TRIM9: variants seen among roughly 807,000 people sequenced by gnomAD.
TRIM9 encodes the protein tripartite motif containing 9.
In TRIM9, 26 loss-of-function variants were observed where a neutral mutation model predicts 78.3. The observed-to-expected ratio is 0.33, with a 90% CI of 0.24 to 0.46. The LOEUF (loss-of-function observed/expected upper bound fraction) is 0.46, where lower values mean the gene tolerates loss of function less well. Ranked by LOEUF, TRIM9 falls within the 20% of genes least tolerant of loss-of-function variation. The probability of loss-of-function intolerance (pLI) is 1.00; values close to 1 mark genes in which losing one functional copy is unlikely to be tolerated. For synonymous variants in TRIM9, 398 were observed against 416.5 expected (o/e 0.96, Z 0.54); for missense variants, 787 against 1,036.4 (o/e 0.76, Z 3.30).
chr14:51,026,175 C>T (rs1050519197), intron 1 of TRIM9, among the ~76,000 whole-genome samples: 7 of 152,140 alleles, frequency 4.6e-5, no homozygotes, highest in Non-Finnish European at 5.9e-5. Context: ...TCTGCTGATA[C>T]GGAACCACTG....
At chr14:50,997,585 A>T in intron 7 of TRIM9, 7 of 1,005,166 alleles carry the variant, frequency 7.0e-6, no homozygotes, top group Non-Finnish European at 8.3e-6. Context: ...TTTGAAACAC[A>T]TTCAGTCATA....
chr14:51,088,993 A>C (rs2064048806), intron 1 of TRIM9: 1 of 152,196 alleles, frequency 6.6e-6, no homozygotes, highest in Admixed American at 6.5e-5. Flanking sequence ...GCAAAGAAAA[A>C]AAAAAAAAGA....
intron 1 of TRIM9, among the ~76,000 whole-genome samples, chr14:51,028,784 G>A (rs1386452167): frequency 6.6e-6 from 1 of 152,190 alleles, no homozygotes; most frequent in Non-Finnish European, 1.5e-5. Flanking sequence ...CTCCAGTCAA[G>A]TTGTTCTTGG....
intron 8 of TRIM9, among the ~76,000 whole-genome samples, chr14:50,985,683 T>TG (rs1320900380): frequency 2.6e-5 from 4 of 152,276 alleles, no homozygotes; most frequent in Admixed American, 2.6e-4. Context: ...TTATCCATGG[T>TG]GGTACCAGCT....
At chr14:50,979,034 T>G (rs2051444999) in intron 12 of TRIM9, 1 of 1,290,326 alleles carries the variant, frequency 7.7e-7, no homozygotes, top group African/African-American at 1.5e-5. Context: ...CAGGCACTCC[T>G]GAGCTTTGTT....
chr14:51,019,051 A>G (rs2057495667), intron 3 of TRIM9, among the ~76,000 whole-genome samples: 1 of 152,268 alleles, frequency 6.6e-6, no homozygotes, highest in Admixed American at 6.5e-5. Flanking sequence ...AAGTTTCTGA[A>G]GAAAGCATAG....
At chr14:51,055,284 A>G (rs2060809940) in intron 1 of TRIM9, among the ~76,000 whole-genome samples, 1 of 152,206 alleles carries the variant, frequency 6.6e-6, no homozygotes, top group African/African-American at 2.4e-5. Flanking sequence ...TTTTCTTATC[A>G]CGTTGATTAC....
intron 6 of TRIM9, 46 bp from the exon 7 acceptor site, chr14:50,998,234 T>C: frequency 1.9e-6 from 3 of 1,584,930 alleles, no homozygotes; most frequent in Non-Finnish European, 2.6e-6. Context: ...TGCCCCCTTC[T>C]GAGGGGCGAG....
Position 51,000,822 on chromosome 14 carries a change from G to A in TRIM9, c.1325C>T (p.Ala442Val). The change falls in exon 6 of 13, where the codon GCA becomes GTA. Residue 442 changes from alanine to valine, a missense_variant. By Grantham distance (64) the Ala-to-Val change is moderately conservative. Coordinates refer to ENST00000684578, the MANE Select transcript of TRIM9 (RefSeq NM_001387360.1). ...TTCCTCCAGCTGTAGGATAGGGGTT[G>A]CTGGGACTGGAGAGGAAGCTAAACA... is the stretch of plus-strand genomic sequence containing the variant. Reference protein sequence around the residue: ...VQVKASSPVPATPILQLEECC... With the variant: ...VQVKASSPVPVTPILQLEECC... The A allele has an allele frequency of 6.2e-7, 1 of 1,614,200 alleles. No individual in the cohort carries two copies. The highest frequency in any genetic ancestry group is 8.5e-7 in the Non-Finnish European group (1 of 1,180,024).
chr14:51,035,083 G>A (rs1345525868), intron 1 of TRIM9, among the ~76,000 whole-genome samples: 4 of 152,162 alleles, frequency 2.6e-5, no homozygotes, highest in Admixed American at 1.3e-4. Flanking sequence ...TATATGACAT[G>A]ACAAATTTTG....
intron 7 of TRIM9, among the ~76,000 whole-genome samples, chr14:50,987,752 T>G (rs1018702007): frequency 1.3e-5 from 2 of 152,060 alleles, no homozygotes; most frequent in Non-Finnish European, 1.5e-5. Flanking sequence ...GCGAAGGCAT[T>G]TACAACTATA....
At chr14:51,050,030 C>T (rs12147026) in intron 1 of TRIM9, among the ~76,000 whole-genome samples, 39,640 of 151,692 alleles carry the variant, frequency 0.26, 6,207 homozygotes, top group South Asian at 0.54. Flanking sequence ...TGGAAGTAAA[C>T]GATGCAGAGC....
In TRIM9 at chr14:50,979,087, C is replaced by T. The variant is rs1250770643; in HGVS notation, c.2325+300G>A. The T allele has an allele frequency of 2.9e-5, 39 of 1,333,458 alleles. No homozygotes were observed. The Admixed American group carries it at 3.0e-4, about 10-fold the overall frequency. 82.6% of individuals were successfully genotyped at this position (1,333,458 alleles called of 1,614,324 possible). On this transcript the variant is annotated intron_variant, in intron 12 of 12. Coordinates refer to ENST00000684578, the MANE Select transcript of TRIM9 (RefSeq NM_001387360.1). ...TTCATGCCAGTTGGTTAAAGGCTTT[C>T]GTTTCTATTTAGAGGTGAAACTAGA...
intron 11 of TRIM9, 106 bp from the exon 12 acceptor site, chr14:50,979,655 A>T: frequency 1.1e-6 from 1 of 919,990 alleles, no homozygotes; most frequent in Non-Finnish European, 1.7e-6. Flanking sequence ...TATAATCATC[A>T]CTACCCCAAA....
At chr14:51,040,074 C>T (rs991893575) in intron 1 of TRIM9, among the ~76,000 whole-genome samples, 6 of 152,292 alleles carry the variant, frequency 3.9e-5, no homozygotes, top group African/African-American at 1.2e-4. Context: ...TGAGCCATTG[C>T]ACCCAGCCAA....
At chr14:51,049,396 T>C (rs1168843547) in intron 1 of TRIM9, among the ~76,000 whole-genome samples, 1 of 152,228 alleles carries the variant, frequency 6.6e-6, no homozygotes, top group Admixed American at 6.5e-5. Flanking sequence ...TTGCCTTACC[T>C]AATCCTTTCA....
intron 1 of TRIM9, among the ~76,000 whole-genome samples, chr14:51,041,353 A>C (rs2059564263): frequency 6.6e-6 from 1 of 152,258 alleles, no homozygotes; most frequent in Non-Finnish European, 1.5e-5. Flanking sequence ...GTGATTGCTG[A>C]AGCTGCCGCT....
intron 1 of TRIM9, among the ~76,000 whole-genome samples, chr14:51,061,362 G>A (rs942805587): frequency 6.1e-5 from 9 of 147,648 alleles, no homozygotes; most frequent in African/African-American, 1.3e-4. Context: ...GCAGTGAGCC[G>A]AGATCACACC....
At chr14:51,006,986 C>G (rs2055893387) in intron 5 of TRIM9, among the ~76,000 whole-genome samples, 1 of 152,194 alleles carries the variant, frequency 6.6e-6, no homozygotes, top group African/African-American at 2.4e-5. Flanking sequence ...AGCTCAATCT[C>G]TACCATCCTG....
Sources: gnomAD v4.1 joint callset for allele counts (sites outside exome capture counted in the v4.1 genomes callset) on GRCh38, gnomAD v4.1.1 for gene constraint, MANE v1.5 for transcripts, NCBI Gene and HGNC (gene_info 2026-07-23, HGNC 2026-07-21) for gene names.